Variants in ZC3H3 observed in about 807,000 individuals in gnomAD.
The protein encoded by ZC3H3 is zinc finger CCCH domain-containing protein 3.
A neutral mutation model predicts 77.3 loss-of-function variants in ZC3H3; 36 were observed. The observed-to-expected ratio is 0.47, with a 90% confidence interval of 0.36 to 0.61. ZC3H3 has a LOEUF of 0.61. ZC3H3 is among the 20% of genes least tolerant of loss of function. The probability of loss-of-function intolerance (pLI) is 0.00; values close to 1 mark genes in which losing one functional copy is unlikely to be tolerated. For synonymous variants in ZC3H3, 626 were observed against 555.2 expected (o/e 1.13, Z -1.79); for missense variants, 1,331 against 1,312.2 (o/e 1.01, Z -0.22).
chr8:143,513,331 A>G (rs564690463), intron 3 of ZC3H3, among the ~76,000 whole-genome samples: 76 of 152,264 alleles, frequency 5.0e-4, no homozygotes, highest in African/African-American at 1.7e-3. Flanking sequence ...GGGGAGCCCC[A>G]GGGAACGAGG....
intron 9 of ZC3H3, among the ~76,000 whole-genome samples, chr8:143,451,031 A>T (rs1448354602): frequency 2.6e-5 from 4 of 152,206 alleles, no homozygotes; most frequent in Non-Finnish European, 5.9e-5. Context: ...ACCAGTGAAC[A>T]AACCACCAGA....
intron 9 of ZC3H3, among the ~76,000 whole-genome samples, chr8:143,445,115 C>G (rs1015006290): frequency 6.6e-6 from 1 of 152,194 alleles, no homozygotes; most frequent in African/African-American, 2.4e-5. Context: ...GGCACAGTGG[C>G]TCATGCCTGT....
At chr8:143,446,083 C>T (rs576780253) in intron 9 of ZC3H3, among the ~76,000 whole-genome samples, 3 of 152,268 alleles carry the variant, frequency 2.0e-5, no homozygotes, top group East Asian at 1.9e-4. Flanking sequence ...GAGGGCTGCA[C>T]CGCACACCCG....
chr8:143,442,665 C>T (rs1042055842), intron 9 of ZC3H3, among the ~76,000 whole-genome samples: 2 of 152,224 alleles, frequency 1.3e-5, no homozygotes, highest in Non-Finnish European at 2.9e-5. Flanking sequence ...CTGAGATGTC[C>T]AGAGGGCACC....
chr8:143,518,827 C>T (rs73715650), intron 3 of ZC3H3, among the ~76,000 whole-genome samples: 2,968 of 152,360 alleles, frequency 0.019, 88 homozygotes, highest in African/African-American at 0.067. Flanking sequence ...GGAATCCCTG[C>T]CCTCAGCCCA....
intron 11 of ZC3H3, among the ~76,000 whole-genome samples, chr8:143,438,289 C>A (rs1819636664): frequency 6.6e-6 from 1 of 152,196 alleles, no homozygotes; most frequent in African/African-American, 2.4e-5. Context: ...CTGCTGCCAA[C>A]AGGTCCTGGT....
intron 3 of ZC3H3, among the ~76,000 whole-genome samples, chr8:143,514,377 A>G (rs1821965620): frequency 6.6e-6 from 1 of 152,146 alleles, no homozygotes; most frequent in African/African-American, 2.4e-5. Flanking sequence ...TGCAGCATCC[A>G]CAGTGGAGCT....
chr8:143,518,734 A>G (rs1822143736), intron 3 of ZC3H3, among the ~76,000 whole-genome samples: 1 of 152,216 alleles, frequency 6.6e-6, no homozygotes, highest in South Asian at 2.1e-4. Flanking sequence ...CCACAATCGC[A>G]GTCTCAGGGA....
rs990411481 is a variant in ZC3H3 at position 143,490,051 on chromosome 8, G to A, written c.1716-14466C>T. Among the ~76,000 whole-genome samples the A allele has an allele frequency of 5.9e-5, 9 of 152,288 alleles. 1 individual carries two copies. In the South Asian group the frequency reaches 1.0e-3, roughly 18 times the overall value. On this transcript the variant is annotated intron_variant, in intron 4 of 11. Transcript: ENST00000262577. ...TCCAGGGAAACACCCTTAGACACCC[G>A]TGGTTCCTAAACCACGCCCAGCAAG...
chr8:143,448,596 G>A (rs572341909), intron 9 of ZC3H3, among the ~76,000 whole-genome samples: 31 of 152,342 alleles, frequency 2.0e-4, no homozygotes, highest in African/African-American at 5.8e-4. Context: ...CAGCTCCGCC[G>A]CCATGGCTCT....
chr8:143,464,537 G>A (rs1167336142), intron 9 of ZC3H3, among the ~76,000 whole-genome samples: 2 of 152,176 alleles, frequency 1.3e-5, no homozygotes, highest in East Asian at 3.9e-4. Flanking sequence ...ACAGAACGCT[G>A]TGCACAGGAA....
At chr8:143,461,095 T>C (rs12675867) in intron 9 of ZC3H3, among the ~76,000 whole-genome samples, 54,041 of 152,100 alleles carry the variant, frequency 0.36, 9,999 homozygotes, top group South Asian at 0.56. Context: ...ATGGTCAAAA[T>C]TTATGTTATA....
At position 143,538,465 on chromosome 8, in the gene ZC3H3, C is replaced by G. The variant is rs1822881340; in HGVS notation, c.902G>C (p.Cys301Ser). Residue 301 changes from cysteine (C) to serine (S), a missense_variant, in exon 2 of 12, where the codon TGT becomes TCT. By Grantham distance (112) the Cys-to-Ser change is moderately radical. Around this residue, in one of 3 missense-constraint regions of ZC3H3, gnomAD observed 978 missense variants for 915.5 expected, o/e 1.07. Coordinates refer to ENST00000262577, the MANE Select transcript of ZC3H3 (RefSeq NM_015117.3). ...QAREASLVVT[C>S]RTNKFRKNNY... Reference sequence around the variant, plus strand: ...GTTTTTCCGGAACTTGTTAGTTCGACAGGTCACAACCAGCGAGGCCTCCCG... The same window carrying G: ...GTTTTTCCGGAACTTGTTAGTTCGAGAGGTCACAACCAGCGAGGCCTCCCG... The G allele has an allele frequency of 1.9e-6, 3 of 1,613,118 alleles. No individual in the cohort carries two copies. Among genetic ancestry groups the G allele is most frequent in the Non-Finnish European group, 8.5e-7 (1 of 1,180,038 alleles).
intron 8 of ZC3H3, 58 bp from the exon 9 acceptor site, chr8:143,465,906 C>G: frequency 6.4e-7 from 1 of 1,567,060 alleles, no homozygotes; most frequent in Non-Finnish European, 8.6e-7. Context: ...GGCCCAGAGA[C>G]GGTGGCTGGG....
chr8:143,477,478 A>G (rs1820768322), intron 4 of ZC3H3, among the ~76,000 whole-genome samples: 1 of 151,942 alleles, frequency 6.6e-6, no homozygotes, highest in African/African-American at 2.4e-5. Flanking sequence ...CCAGACTCAG[A>G]CCTCCAGGCT....
intron 2 of ZC3H3, 92 bp downstream of exon 2, chr8:143,537,911 C>T (rs1009736295): frequency 1.5e-6 from 2 of 1,295,674 alleles, no homozygotes; most frequent in Non-Finnish European, 2.1e-6. Context: ...CAACTGCAGG[C>T]AAAGCTCCGA....
chr8:143,525,616 G>A (rs1347577860), intron 3 of ZC3H3, among the ~76,000 whole-genome samples: 1 of 152,230 alleles, frequency 6.6e-6, no homozygotes, highest in Non-Finnish European at 1.5e-5. Flanking sequence ...AGAGGCTGCG[G>A]TCACCGGACT....
At chr8:143,438,188 G>A in intron 11 of ZC3H3, 101 bp from the exon 12 acceptor site, 1 of 1,447,026 alleles carries the variant, frequency 6.9e-7, no homozygotes, top group South Asian at 1.2e-5. Flanking sequence ...GGCTCTGTCA[G>A]CCCAAGCACA....
At chr8:143,537,243 CAAGT>C (rs1822830431) in intron 2 of ZC3H3, among the ~76,000 whole-genome samples, 1 of 152,346 alleles carries the variant, frequency 6.6e-6, no homozygotes, top group East Asian at 1.9e-4. Context: ...GTGCGCCAAG[CAAGT>C]GAGTGACTCT....
Sources: allele counts gnomAD v4.1 joint callset (sites outside exome capture counted in the v4.1 genomes callset), GRCh38; gene constraint gnomAD v4.1.1; regional missense constraint gnomAD v4.1.1; transcripts MANE v1.5; gene names NCBI Gene and HGNC (gene_info 2026-07-23, HGNC 2026-07-21).